Variants in COMMD1 observed in about 807,000 individuals in gnomAD.
The protein encoded by COMMD1 is COMM domain-containing protein 1.
Under a neutral mutation model 17.2 loss-of-function variants are expected in COMMD1, and 10 were observed. The observed-to-expected ratio is 0.58, with a 90% confidence interval of 0.36 to 0.99. COMMD1 has a LOEUF of 0.99. Ranked by LOEUF, COMMD1 falls within the 50% of genes least tolerant of loss-of-function variation. COMMD1 has a pLI of 0.01. For missense variants in COMMD1, 270 were observed against 231.8 expected, an observed-to-expected ratio of 1.17 and a Z score of -1.07; for synonymous variants, 97 against 91.6, an observed-to-expected ratio of 1.06 and a Z score of -0.34.
intron 2 of COMMD1, among the ~76,000 whole-genome samples, chr2:62,075,894 TAGAGAA>T (rs1489421264): frequency 2.0e-5 from 3 of 152,086 alleles, no homozygotes; most frequent in African/African-American, 7.3e-5. Context: ...TTGGAAGTCT[TAGAGAA>T]AGAGGTTTTC....
At chr2:62,077,213 TG>T (rs1671371585) in intron 2 of COMMD1, among the ~76,000 whole-genome samples, 1 of 152,224 alleles carries the variant, frequency 6.6e-6, no homozygotes, top group Non-Finnish European at 1.5e-5. Flanking sequence ...TAAACAGACT[TG>T]CTCTGTTAAA....
chr2:61,924,474 GAGGAGGGGAGA>G, intron 1 of COMMD1, among the ~76,000 whole-genome samples: 1 of 151,966 alleles, frequency 6.6e-6, no homozygotes, highest in Non-Finnish European at 1.5e-5. Context: ...GGATGTTGTC[GAGGAGGGGAGA>G]AATCAGCCAG....
chr2:61,937,638 CT>C (rs1240873704), intron 1 of COMMD1, among the ~76,000 whole-genome samples: 1 of 152,160 alleles, frequency 6.6e-6, no homozygotes, highest in African/African-American at 2.4e-5. Context: ...ACAAAACTGA[CT>C]TATTTTTAAC....
In COMMD1 at chr2:62,021,480, T is replaced by A. The variant is rs145632076; in HGVS notation, c.462+20498T>A. ...CTTTAATAAGCAAATGAAAAAAGACTGAGAGAGACAAAGTTGGAGGGGGTC... is the reference window on the plus strand; with the variant it reads ...CTTTAATAAGCAAATGAAAAAAGACAGAGAGAGACAAAGTTGGAGGGGGTC... On this transcript the variant is annotated intron_variant, in intron 2 of 2. Transcript: ENST00000311832. 1.7e-3 allele frequency among the ~76,000 whole-genome samples: 263 copies of A among 152,190 alleles called. 1 individual carries two copies. The highest frequency in any genetic ancestry group is 5.9e-3 in the African/African-American group (247 of 41,526).
intron 1 of COMMD1, among the ~76,000 whole-genome samples, chr2:61,965,497 G>A: frequency 6.6e-6 from 1 of 152,172 alleles, no homozygotes; most frequent in Admixed American, 6.5e-5. Flanking sequence ...TAGACTGTAA[G>A]CACAGTAAGA....
At chr2:61,942,696 C>T (rs561995763) in intron 1 of COMMD1, among the ~76,000 whole-genome samples, 3 of 151,694 alleles carry the variant, frequency 2.0e-5, no homozygotes, top group Non-Finnish European at 2.9e-5. Flanking sequence ...CACATCATCA[C>T]GCTCAGCTAA....
At chr2:61,894,900 G>A (rs997109705) in intron 1 of COMMD1, among the ~76,000 whole-genome samples, 2 of 151,996 alleles carry the variant, frequency 1.3e-5, no homozygotes, top group African/African-American at 2.4e-5. Flanking sequence ...GTTTCACCAC[G>A]TTGGCCAGGC....
intron 1 of COMMD1, among the ~76,000 whole-genome samples, chr2:61,938,016 A>G (rs1670646497): frequency 6.6e-6 from 1 of 152,144 alleles, no homozygotes; most frequent in Non-Finnish European, 1.5e-5. Context: ...GTAGCAAGGC[A>G]TTTGCAGTGA....
intron 1 of COMMD1, among the ~76,000 whole-genome samples, chr2:61,957,373 A>G (rs971097353): frequency 6.6e-6 from 1 of 152,144 alleles, no homozygotes; most frequent in African/African-American, 2.4e-5. Flanking sequence ...CCATGAAACT[A>G]TATAGCTTTA....
chr2:62,014,926 A>G (rs892654258), intron 2 of COMMD1, among the ~76,000 whole-genome samples: 4 of 151,374 alleles, frequency 2.6e-5, no homozygotes, highest in African/African-American at 9.7e-5. Context: ...GGTATTAAGT[A>G]CAGATGGTTT....
intron 1 of COMMD1, among the ~76,000 whole-genome samples, chr2:61,955,224 C>T (rs1006839188): frequency 3.3e-5 from 5 of 151,950 alleles, no homozygotes; most frequent in African/African-American, 1.2e-4. Context: ...TGTGGTGGCT[C>T]ATGTCTGTAA....
At chr2:61,983,189 A>ATT (rs1295410552) in intron 1 of COMMD1, among the ~76,000 whole-genome samples, 7 of 132,824 alleles carry the variant, frequency 5.3e-5, no homozygotes, top group Non-Finnish European at 6.6e-5. Flanking sequence ...TTATCATGGC[A>ATT]TTTTTTTTTT....
intron 1 of COMMD1, among the ~76,000 whole-genome samples, chr2:61,941,485 G>T (rs1670746282): frequency 6.6e-6 from 1 of 152,200 alleles, no homozygotes; most frequent in Admixed American, 6.5e-5. Context: ...GACATATTAG[G>T]TAGGAGAATA....
chr2:61,921,029 G>A (rs1046352722), intron 1 of COMMD1, among the ~76,000 whole-genome samples: 1 of 149,222 alleles, frequency 6.7e-6, no homozygotes, highest in African/African-American at 2.5e-5. Flanking sequence ...TGAGGCTGGA[G>A]TACAGAGGTG....
intron 1 of COMMD1, among the ~76,000 whole-genome samples, chr2:61,996,313 AATGT>A (rs1558553639): frequency 1.1e-5 from 1 of 87,220 alleles, no homozygotes; most frequent in Admixed American, 1.3e-4. Context: ...TTGTTTTCTA[AATGT>A]GTGTGTGTGT....
chr2:61,986,564 CTTTTTTTTTTTT>C (rs70946773), intron 1 of COMMD1, among the ~76,000 whole-genome samples: 1 of 94,570 alleles, frequency 1.1e-5, no homozygotes, highest in Non-Finnish European at 2.2e-5. Flanking sequence ...AGGCATCATT[CTTTTTTTTTTTT>C]TTTTTTTTTG....
At chr2:61,945,997 T>C (rs1432720746) in intron 1 of COMMD1, among the ~76,000 whole-genome samples, 1 of 152,244 alleles carries the variant, frequency 6.6e-6, no homozygotes, top group Non-Finnish European at 1.5e-5. Context: ...TGATGAGGCA[T>C]GTCCTACCTC....
chr2:62,017,954 G>A (rs1244482298), intron 2 of COMMD1, among the ~76,000 whole-genome samples: 3 of 151,198 alleles, frequency 2.0e-5, no homozygotes, highest in African/African-American at 7.3e-5. Context: ...TGAGATAGGA[G>A]GATCACTGGA....
intron 1 of COMMD1, among the ~76,000 whole-genome samples, chr2:61,922,732 C>G (rs778614136): frequency 1.4e-4 from 21 of 152,144 alleles, no homozygotes; most frequent in Non-Finnish European, 2.5e-4. Context: ...TTCACAGATG[C>G]TATTAGTTGT....
Sources: allele counts gnomAD v4.1 joint callset (sites outside exome capture counted in the v4.1 genomes callset), GRCh38; gene constraint gnomAD v4.1.1; transcripts MANE v1.5; gene names NCBI Gene and HGNC (gene_info 2026-07-23, HGNC 2026-07-21).